The following PRH1 variants were observed in gnomAD, a reference collection of about 807,000 sequenced individuals.
PRH1 encodes the protein proline rich protein HaeIII subfamily 1, also known as salivary acidic proline-rich phosphoprotein 1/2.
A neutral mutation model predicts 7.9 loss-of-function variants in PRH1; 7 were observed. The observed-to-expected ratio is 0.89, with a 90% CI of 0.50 to 1.67. The LOEUF is 1.67. Ranked by LOEUF, PRH1 falls within the 40% of genes most tolerant of loss-of-function variation. The pLI is 0.00. For missense variants in PRH1, 109 were observed against 223.6 expected, an observed-to-expected ratio of 0.49 and a Z score of 3.27; for synonymous variants, 45 against 80.8, an observed-to-expected ratio of 0.56 and a Z score of 2.38.
chr12:10,956,532 C>T (rs1293082020), intron 2 of PRH1, among the ~76,000 whole-genome samples: 2 of 152,144 alleles, frequency 1.3e-5, no homozygotes, highest in African/African-American at 2.4e-5. Context: ...TGTCCTCTCT[C>T]ACCACTCTTA....
chr12:10,956,079 C>G (rs191969845), intron 2 of PRH1, among the ~76,000 whole-genome samples: 4 of 152,222 alleles, frequency 2.6e-5, no homozygotes, highest in Middle Eastern at 3.4e-3. Context: ...CTAACTCATT[C>G]TACAAGGCTA....
At chr12:10,887,702 T>A (rs913392005), upstream of PRH1, among the ~76,000 whole-genome samples, 2 of 151,664 alleles carry the variant, frequency 1.3e-5, no homozygotes, top group African/African-American at 2.4e-5. Flanking sequence ...TTTTCCCATC[T>A]CTACTAAAAA....
intron 1 of PRH1, among the ~76,000 whole-genome samples, chr12:11,123,064 T>C (rs1945965934): frequency 2.0e-5 from 3 of 152,190 alleles, no homozygotes; most frequent in African/African-American, 7.2e-5. Flanking sequence ...TTGGTCTGCT[T>C]TGAACTGTGT....
chr12:11,106,506 T>C, intron 1 of PRH1, among the ~76,000 whole-genome samples: 1 of 152,230 alleles, frequency 6.6e-6, no homozygotes, highest in East Asian at 1.9e-4. Flanking sequence ...ATTAATTTTT[T>C]AGTTAAAATA....
chr12:10,922,791 T>A (rs1004088121), intron 2 of PRH1, among the ~76,000 whole-genome samples: 1 of 151,446 alleles, frequency 6.6e-6, no homozygotes, highest in East Asian at 1.9e-4. Context: ...TATGTCCAAA[T>A]TCATGATTAT....
chr12:11,167,580 G>A (rs1348834029), intron 1 of PRH1, among the ~76,000 whole-genome samples: 1 of 152,016 alleles, frequency 6.6e-6, no homozygotes, highest in Non-Finnish European at 1.5e-5. Context: ...GAGTAGGTGG[G>A]ACTACAGGCG....
upstream of PRH1, among the ~76,000 whole-genome samples, chr12:10,888,261 C>T (rs546044936): frequency 4.0e-4 from 61 of 152,198 alleles, no homozygotes; most frequent in Admixed American, 1.7e-3. Context: ...TCAATTGATT[C>T]GCAAATGTAA....
intron 1 of PRH1, among the ~76,000 whole-genome samples, chr12:11,017,928 A>C (rs1292120257): frequency 6.6e-6 from 1 of 152,184 alleles, no homozygotes; most frequent in African/African-American, 2.4e-5. Flanking sequence ...ATGTGTTAAT[A>C]AAGTCCTTTT....
chr12:11,135,071 T>G (rs190884856), intron 1 of PRH1, among the ~76,000 whole-genome samples: 20 of 152,302 alleles, frequency 1.3e-4, no homozygotes, highest in African/African-American at 4.6e-4. Flanking sequence ...ATCAAACATA[T>G]CTCTAATTCT....
At chr12:11,145,865 A>G (rs1039448493) in intron 1 of PRH1, among the ~76,000 whole-genome samples, 2 of 152,186 alleles carry the variant, frequency 1.3e-5, no homozygotes, top group African/African-American at 2.4e-5. Context: ...GAAGCATTAT[A>G]ATGTTTTTAA....
intron 2 of PRH1, among the ~76,000 whole-genome samples, chr12:10,900,376 C>A (rs186395521): frequency 1.6e-4 from 25 of 152,314 alleles, no homozygotes; most frequent in Non-Finnish European, 2.9e-4. Flanking sequence ...GAGCAGGATA[C>A]CATTTTTAAT....
chr12:10,961,460 A>C (rs1223721794), intron 2 of PRH1, among the ~76,000 whole-genome samples: 1 of 151,050 alleles, frequency 6.6e-6, no homozygotes, highest in African/African-American at 2.5e-5. Context: ...GACCCTGTGC[A>C]ACAGTGGAAA....
chr12:11,038,483 C>A (rs1462062550), intron 1 of PRH1, among the ~76,000 whole-genome samples: 1 of 152,334 alleles, frequency 6.6e-6, no homozygotes, highest in East Asian at 1.9e-4. Flanking sequence ...GTTTTTCAAA[C>A]TTTATGTAAA....
chr12:11,125,262 C>A (rs1040704130), intron 1 of PRH1, among the ~76,000 whole-genome samples: 4 of 152,120 alleles, frequency 2.6e-5, no homozygotes, highest in African/African-American at 9.6e-5. Context: ...TTTCTTTTAC[C>A]ACATTCTAAA....
In PRH1 at chr12:10,894,318, G is replaced by T. The variant is rs144249085; in HGVS notation, c.-58-10043C>A. Among the ~76,000 whole-genome samples, 725 of 152,254 alleles carry T rather than the reference G, an allele frequency of 4.8e-3. 7 individuals carry two copies. Among genetic ancestry groups the T allele is most frequent in the African/African-American group, 0.017 (696 of 41,572 alleles). On this transcript the variant is annotated intron_variant, in intron 2 of 3. Coordinates refer to the PRH1 transcript ENST00000539853. ...AGATGGTCAAGATTGTAACATTTTT[G>T]ATGGTCAAAGTTGCTTAGTGTTTTT...
At chr12:10,982,612 T>C (rs183356998) in intron 1 of PRH1, among the ~76,000 whole-genome samples, 3 of 152,220 alleles carry the variant, frequency 2.0e-5, no homozygotes, top group Non-Finnish European at 4.4e-5. Context: ...TTCAGTTTAA[T>C]TGACATTTTG....
At chr12:11,057,940 C>G (rs943007852) in intron 1 of PRH1, among the ~76,000 whole-genome samples, 1 of 152,220 alleles carries the variant, frequency 6.6e-6, no homozygotes, top group Non-Finnish European at 1.5e-5. Context: ...AAACATCATG[C>G]TAATTTAATA....
In PRH1 at chr12:10,911,373, A is replaced by G. The variant is rs182332631; in HGVS notation, c.-58-27098T>C. Among the ~76,000 whole-genome samples the G allele has an allele frequency of 3.3e-3, 499 of 152,324 alleles. 4 individuals carry two copies. Among genetic ancestry groups the G allele is most frequent in the Non-Finnish European group, 4.4e-3 (298 of 68,022 alleles). On this transcript the variant is annotated intron_variant, in intron 2 of 3. Coordinates refer to the PRH1 transcript ENST00000539853. The stretch of plus-strand genomic sequence containing the variant: ...AGCTGCATTTTCCTGGTGTGTTTCC[A>G]TAAGAGAAAACATTTAAAAATATAA...
At chr12:10,888,679 G>A (rs145551089), upstream of PRH1, among the ~76,000 whole-genome samples, 106 of 152,214 alleles carry the variant, frequency 7.0e-4, no homozygotes, top group East Asian at 5.2e-3. Context: ...GCCACTGAAA[G>A]TGTTTTATAA....
Sources: allele counts gnomAD v4.1 joint callset (sites outside exome capture counted in the v4.1 genomes callset), GRCh38; gene constraint gnomAD v4.1.1; transcripts MANE v1.5; gene names NCBI Gene and HGNC (gene_info 2026-07-23, HGNC 2026-07-21).